RPP30: variants seen among roughly 807,000 people sequenced by gnomAD.
RPP30 encodes the protein ribonuclease P protein subunit p30.
Under a neutral mutation model 38.6 loss-of-function variants are expected in RPP30, and 36 were observed. The ratio of observed to expected loss-of-function variants is 0.93; its 90% CI spans 0.71 to 1.23. The LOEUF (loss-of-function observed/expected upper bound fraction) is 1.23. RPP30 is among the 50% of genes most tolerant of loss of function. The pLI is 0.00. For synonymous variants in RPP30, 126 were observed against 112.7 expected (o/e 1.12, Z -0.75); for missense variants, 321 against 321.7 (o/e 1.00, Z 0.02).
intron 4 of RPP30, 108 bp from the exon 5 acceptor site, chr10:90,878,955 T>TAA: frequency 1.4e-6 from 1 of 716,992 alleles, no homozygotes; most frequent in Non-Finnish European, 2.3e-6. Context: ...AATGTCAGTA[T>TAA]ATTAGAAGTG....
chr10:90,903,348 C>T (rs1010614805), downstream of RPP30: 24 of 886,788 alleles, frequency 2.7e-5, no homozygotes, highest in African/African-American at 2.0e-4. Flanking sequence ...CAATTTTTTG[C>T]GACGTCCCAC....
chr10:90,872,181 G>A, intron 1 of RPP30, 113 bp downstream of exon 1: 1 of 903,292 alleles, frequency 1.1e-6, no homozygotes, highest in Non-Finnish European at 1.8e-6. Context: ...AGAGTCTCTG[G>A]GATGTCCCTG....
intron 5 of RPP30, among the ~76,000 whole-genome samples, chr10:90,884,999 A>G (rs1197691886): frequency 6.6e-6 from 1 of 152,178 alleles, no homozygotes; most frequent in Non-Finnish European, 1.5e-5. Flanking sequence ...TTCTTCCAGC[A>G]GTGTCTTCTG....
chr10:90,906,343 T>C (rs896958476), downstream of RPP30, among the ~76,000 whole-genome samples: 2 of 152,146 alleles, frequency 1.3e-5, no homozygotes, highest in Non-Finnish European at 2.9e-5. Flanking sequence ...TGGCACAGTA[T>C]GTGAAAACAG....
exon 5 of RPP30, chr10:90,908,389 A>G (rs1054510898): frequency 1.1e-4 from 17 of 152,092 alleles, no homozygotes; most frequent in African/African-American, 4.1e-4. Flanking sequence ...GCTTCAATTT[A>G]TTGTGCTTTG....
Position 90,902,055 on chromosome 10 carries a change from C to T in RPP30, c.*1376C>T. On this transcript the variant is annotated 3_prime_UTR_variant, in exon 11 of 11. Coordinates refer to ENST00000371703, the MANE Select transcript of RPP30 (RefSeq NM_006413.5). The stretch of plus-strand genomic sequence containing the variant: ...CTCATATTCCACCCGCCTCGGCCTC[C>T]CAAAGTGCTGGGATTACAGGCGTTA... 2 of 873,740 alleles carry T rather than the reference C, an allele frequency of 2.3e-6. No homozygotes were observed. The highest frequency in any genetic ancestry group is 5.1e-5 in the South Asian group (1 of 19,506). 54.1% of individuals were successfully genotyped at this position (873,740 alleles called of 1,614,324 possible).
chr10:90,872,231 G>A (rs1297541397), intron 1 of RPP30, 163 bp downstream of exon 1: 2 of 642,462 alleles, frequency 3.1e-6, no homozygotes, highest in Non-Finnish European at 5.6e-6. Flanking sequence ...GATTCCTAGC[G>A]CGGGAAACTC....
downstream of RPP30, chr10:90,903,324 A>C (rs1847223206): frequency 3.1e-6 from 4 of 1,286,456 alleles, no homozygotes; most frequent in African/African-American, 5.9e-5. Flanking sequence ...AAAATGCTTA[A>C]CAGGATGTAT....
intron 10 of RPP30, among the ~76,000 whole-genome samples, chr10:90,897,466 A>AT (rs551537457): frequency 2.2e-3 from 338 of 152,270 alleles, no homozygotes; most frequent in South Asian, 0.011. Context: ...TTAGTTTGAG[A>AT]TTTTTGTATT....
At chr10:90,888,321 A>G (rs1049148034) in intron 6 of RPP30, among the ~76,000 whole-genome samples, 2 of 152,252 alleles carry the variant, frequency 1.3e-5, no homozygotes, top group East Asian at 1.9e-4. Context: ...ATGGACAGCA[A>G]TGCACAACAG....
intron 1 of RPP30, 80 bp from the exon 2 acceptor site, chr10:90,874,789 A>G: frequency 3.4e-6 from 3 of 894,080 alleles, no homozygotes; most frequent in South Asian, 1.7e-5. Flanking sequence ...TACTCTTGAC[A>G]TCTAGACTCA....
At chr10:90,892,566 A>G (rs1847095067) in intron 6 of RPP30, among the ~76,000 whole-genome samples, 1 of 152,084 alleles carries the variant, frequency 6.6e-6, no homozygotes, top group African/African-American at 2.4e-5. Flanking sequence ...GATTCAGTCA[A>G]TTAGGAATAT....
At position 90,893,741 on chromosome 10, in the gene RPP30, A is replaced by C. The variant is rs1200552603; in HGVS notation, c.433-1034A>C. ...ACTGCTTAATTTCTTCCTCAACCCT[A>C]AACTTCTCCTTGATAGCACTTAACA... On this transcript the variant is annotated intron_variant, in intron 6 of 10. Transcript: ENST00000371703. Among the ~76,000 whole-genome samples the C allele has an allele frequency of 2.0e-5, 3 of 152,116 alleles. No homozygotes were observed. In the East Asian group the frequency reaches 5.8e-4, roughly 29 times the overall value.
chr10:90,902,504 G>A (rs1325477050), downstream of RPP30, among the ~76,000 whole-genome samples: 1 of 152,176 alleles, frequency 6.6e-6, no homozygotes, highest in Non-Finnish European at 1.5e-5. Context: ...ACAGGCACAG[G>A]CATGAGCCAC....
chr10:90,875,003 C>T (rs980903572), intron 2 of RPP30, 79 bp downstream of exon 2: 5 of 893,696 alleles, frequency 5.6e-6, no homozygotes, highest in Middle Eastern at 3.3e-4. Context: ...TTGGAAGCTA[C>T]AGATTAGAAT....
rs753327704 is a variant in RPP30 at position 90,874,971 on chromosome 10, T to C, written c.138+47T>C. ...TAATAAGTTCATAAATAAGTATTTG[T>C]AATTCTGTTTGTATTGGTAATTTGG... On this transcript the variant is annotated intron_variant, in intron 2 of 10. Transcript: ENST00000371703. 2.5e-6 allele frequency: 3 copies of C among 1,220,272 alleles called. No homozygotes were observed. The East Asian group carries it at 7.4e-5, about 30-fold the overall frequency. 75.6% of individuals were successfully genotyped at this position (1,220,272 alleles called of 1,614,324 possible). A position where few individuals can be genotyped will look rare whatever the true frequency, so the allele number is the denominator to read the frequency against.
intron 6 of RPP30, 91 bp from the exon 7 acceptor site, chr10:90,894,684 G>A (rs1682375541): frequency 1.1e-6 from 1 of 882,894 alleles, no homozygotes; most frequent in African/African-American, 1.7e-5. Context: ...TCAGTAGTAG[G>A]GAGTGAGGAG....
At chr10:90,885,756 A>G in intron 5 of RPP30, 56 bp from the exon 6 acceptor site, 6 of 1,110,574 alleles carry the variant, frequency 5.4e-6, no homozygotes, top group Non-Finnish European at 8.2e-6. Context: ...CCTATCTCCC[A>G]TTCTTACTTG....
At chr10:90,880,719 CA>C (rs201830968) in intron 5 of RPP30, among the ~76,000 whole-genome samples, 3,597 of 152,166 alleles carry the variant, frequency 0.024, 145 homozygotes, top group East Asian at 0.16. Context: ...GACTGTGTCT[CA>C]AAAAAATTTT....
Sources: gnomAD v4.1 joint callset for allele counts (sites outside exome capture counted in the v4.1 genomes callset) on GRCh38, gnomAD v4.1.1 for gene constraint, MANE v1.5 for transcripts, NCBI Gene and HGNC (gene_info 2026-07-23, HGNC 2026-07-21) for gene names.